The following PCDH15 variants were observed in gnomAD, a reference collection of about 807,000 sequenced individuals.
The protein encoded by PCDH15 is protocadherin-15.
PCDH15 carries 129 observed loss-of-function variants against 178.5 expected under a neutral mutation model. The ratio of observed to expected loss-of-function variants is 0.72; its 90% CI spans 0.63 to 0.84. The LOEUF (loss-of-function observed/expected upper bound fraction) is 0.84. PCDH15 is among the 40% of genes least tolerant of loss of function. The pLI is 0.00. For synonymous variants in PCDH15, 800 were observed against 732.0 expected (o/e 1.09, Z -1.50); for missense variants, 2,230 against 2,099.9 (o/e 1.06, Z -1.21).
chr10:54,751,957 CCGT>C (rs1946290418), intron 1 of PCDH15, among the ~76,000 whole-genome samples: 1 of 152,048 alleles, frequency 6.6e-6, no homozygotes, highest in Non-Finnish European at 1.5e-5. Context: ...ATAAATCTTA[CCGT>C]CATGTTTCTC....
At chr10:55,059,998 A>T (rs1383247400) in intron 2 of PCDH15, among the ~76,000 whole-genome samples, 2 of 148,634 alleles carry the variant, frequency 1.3e-5, no homozygotes, top group African/African-American at 4.9e-5. Flanking sequence ...AAAAAAAAAA[A>T]TTAGTTGAAT....
chr10:54,350,165 G>A (rs1943938551), intron 5 of PCDH15, among the ~76,000 whole-genome samples: 2 of 152,022 alleles, frequency 1.3e-5, no homozygotes, highest in African/African-American at 4.8e-5. Flanking sequence ...TAAATGAAAA[G>A]CATTAGTGTA....
At chr10:55,371,794 A>G (rs1027122940) in intron 2 of PCDH15, among the ~76,000 whole-genome samples, 1 of 152,268 alleles carries the variant, frequency 6.6e-6, no homozygotes, top group Non-Finnish European at 1.5e-5. Context: ...TAGCTGTGTG[A>G]AAATGGAGTA....
At chr10:54,778,093 T>C (rs377630113) in intron 1 of PCDH15, among the ~76,000 whole-genome samples, 67 of 152,326 alleles carry the variant, frequency 4.4e-4, no homozygotes, top group African/African-American at 1.3e-3. Flanking sequence ...GAAATTGCCA[T>C]ATGCAAGATG....
chr10:54,045,902 C>T (rs1033798503), intron 18 of PCDH15, among the ~76,000 whole-genome samples: 5 of 151,916 alleles, frequency 3.3e-5, no homozygotes, highest in East Asian at 1.9e-4. Context: ...AATGGAAGCT[C>T]GAGAATGGGA....
intron 2 of PCDH15, among the ~76,000 whole-genome samples, chr10:55,111,850 T>A (rs1837515068): frequency 6.6e-6 from 1 of 152,070 alleles, no homozygotes; most frequent in Non-Finnish European, 1.5e-5. Flanking sequence ...TGAAACTCCA[T>A]CTCAAAAAAA....
rs543606665 is a variant in PCDH15 at position 55,102,885 on chromosome 10, A to G, written c.-80+63691T>C. Among the ~76,000 whole-genome samples the G allele has an allele frequency of 4.6e-5, 7 of 152,298 alleles. No homozygotes were observed. The South Asian group carries it at 1.5e-3, about 32-fold the overall frequency. ...AAAAAATGTTAAGAAAATAAGAAAG[A>G]AGAAATGTATTTACTATTAATTAAG... On this transcript the variant is annotated intron_variant, in intron 2 of 5. Coordinates refer to the PCDH15 transcript ENST00000458638.
intron 2 of PCDH15, among the ~76,000 whole-genome samples, chr10:55,152,829 A>G (rs1438287743): frequency 6.6e-6 from 1 of 152,194 alleles, no homozygotes; most frequent in Non-Finnish European, 1.5e-5. Flanking sequence ...CAATGACTAT[A>G]TCATAAAATA....
intron 3 of PCDH15, among the ~76,000 whole-genome samples, chr10:54,896,935 T>C (rs1256900562): frequency 6.6e-6 from 1 of 152,188 alleles, no homozygotes; most frequent in Non-Finnish European, 1.5e-5. Flanking sequence ...ATATTGAGAA[T>C]AAAGAGCCAT....
chr10:55,307,933 A>C (rs998353016), intron 1 of PCDH15, among the ~76,000 whole-genome samples: 9 of 152,130 alleles, frequency 5.9e-5, no homozygotes, highest in Non-Finnish European at 1.2e-4. Flanking sequence ...TTTTGAATAA[A>C]AATAATTTTC....
intron 23 of PCDH15, among the ~76,000 whole-genome samples, chr10:53,959,265 T>TAC (rs1363839938): frequency 2.0e-4 from 29 of 146,014 alleles, no homozygotes; most frequent in Admixed American, 4.1e-4. Flanking sequence ...TATATATATA[T>TAC]ACACACTATA....
At chr10:55,330,440 G>A (rs1239640065) in intron 2 of PCDH15, among the ~76,000 whole-genome samples, 2 of 151,776 alleles carry the variant, frequency 1.3e-5, no homozygotes, top group Non-Finnish European at 3.0e-5. Context: ...AGATTCAGTG[G>A]CACTGGCACT....
At chr10:55,586,623 C>A (rs1182957263) in intron 2 of PCDH15, among the ~76,000 whole-genome samples, 1 of 152,050 alleles carries the variant, frequency 6.6e-6, no homozygotes, top group Non-Finnish European at 1.5e-5. Context: ...GATAAAGGGG[C>A]AAATGTGTCC....
chr10:55,451,627 T>A (rs910390375), intron 2 of PCDH15, among the ~76,000 whole-genome samples: 1 of 152,202 alleles, frequency 6.6e-6, no homozygotes, highest in African/African-American at 2.4e-5. Flanking sequence ...TAAAAATGAA[T>A]TCATTCAGAA....
intron 9 of PCDH15, among the ~76,000 whole-genome samples, 183 bp from the exon 10 acceptor site, chr10:54,214,231 A>T (rs888791524): frequency 7.1e-6 from 1 of 139,952 alleles, no homozygotes; most frequent in Non-Finnish European, 1.5e-5. Flanking sequence ...AATAATTAGC[A>T]TATCAGTAAG....
chr10:54,651,757 C>A (rs1365655468), intron 2 of PCDH15, among the ~76,000 whole-genome samples: 1 of 152,080 alleles, frequency 6.6e-6, no homozygotes, highest in Non-Finnish European at 1.5e-5. Flanking sequence ...GTTGCATCAG[C>A]CCAACAATAA....
At chr10:54,050,206 G>A (rs1421778673) in intron 18 of PCDH15, among the ~76,000 whole-genome samples, 3 of 151,850 alleles carry the variant, frequency 2.0e-5, no homozygotes, top group East Asian at 1.9e-4. Context: ...TTTTTTGATC[G>A]GTAGATTTTT....
intron 3 of PCDH15, among the ~76,000 whole-genome samples, chr10:54,504,745 G>C (rs555016892): frequency 1.3e-5 from 2 of 151,946 alleles, no homozygotes; most frequent in Non-Finnish European, 2.9e-5. Context: ...TTGAACACAG[G>C]GTTCTCCTAA....
chr10:54,428,569 C>T (rs1013478877), intron 3 of PCDH15, among the ~76,000 whole-genome samples: 13 of 152,184 alleles, frequency 8.5e-5, no homozygotes, highest in African/African-American at 1.2e-4. Context: ...ACCTCTCTTC[C>T]GTGCTTCCTT....
Sources: gnomAD v4.1 joint callset for allele counts (sites outside exome capture counted in the v4.1 genomes callset) on GRCh38, gnomAD v4.1.1 for gene constraint, MANE v1.5 for transcripts, NCBI Gene and HGNC (gene_info 2026-07-23, HGNC 2026-07-21) for gene names.